The following ATP8B4 variants were observed in gnomAD, a reference collection of about 807,000 sequenced individuals.
The protein encoded by ATP8B4 is probable phospholipid-transporting ATPase IM.
A neutral mutation model predicts 145.6 loss-of-function variants in ATP8B4; 133 were observed. That is an observed-to-expected ratio of 0.91 (90% confidence interval 0.79 to 1.05). The LOEUF (loss-of-function observed/expected upper bound fraction) is 1.05, where lower values mean the gene tolerates loss of function less well. Among genes scored for constraint, ATP8B4 ranks in the 50% least tolerant of loss-of-function variants. The probability of loss-of-function intolerance (pLI) is 0.00; values close to 1 mark genes in which losing one functional copy is unlikely to be tolerated. For synonymous variants in ATP8B4, 507 were observed against 492.9 expected (o/e 1.03, Z -0.38); for missense variants, 1,458 against 1,425.2 (o/e 1.02, Z -0.37).
At chr15:49,899,582 C>T (rs947206234) in intron 21 of ATP8B4, among the ~76,000 whole-genome samples, 4 of 152,146 alleles carry the variant, frequency 2.6e-5, no homozygotes, top group Non-Finnish European at 5.9e-5. Flanking sequence ...TATTACCACT[C>T]TTTCTGAAAG....
Position 50,158,495 on chromosome 15 carries a change from T to C in ATP8B4, c.-43+23766A>G, listed in dbSNP as rs1245945099. On this transcript the variant is annotated intron_variant, in intron 1 of 3. Coordinates refer to the ATP8B4 transcript ENST00000558829. ...TCCGGGAGGGAGGTGGGGGGGCGCC[T>C]CCGCCCGGCCAGCCGCCCAGTCCGG... Among the ~76,000 whole-genome samples the C allele has an allele frequency of 3.6e-5, 5 of 139,730 alleles. No homozygotes were observed. The South Asian group carries it at 1.2e-3, about 33-fold the overall frequency. The allele number at this position is 139,730 out of a possible 152,430, so 91.7% of individuals were successfully genotyped here. A position where few individuals can be genotyped will look rare whatever the true frequency, so the allele number is the denominator to read the frequency against.
intron 1 of ATP8B4, among the ~76,000 whole-genome samples, chr15:50,163,129 T>C (rs2044545816): frequency 6.6e-6 from 1 of 152,216 alleles, no homozygotes; most frequent in Admixed American, 6.5e-5. Context: ...ACTAGTGCCT[T>C]ATTAAGTTCA....
intron 14 of ATP8B4, among the ~76,000 whole-genome samples, chr15:49,937,677 G>C (rs2041844824): frequency 6.6e-6 from 1 of 151,964 alleles, no homozygotes. Context: ...TAAGATATTT[G>C]AAACACAAAA....
At chr15:50,168,125 G>T (rs1303662781) in intron 1 of ATP8B4, among the ~76,000 whole-genome samples, 1 of 152,076 alleles carries the variant, frequency 6.6e-6, no homozygotes, top group Non-Finnish European at 1.5e-5. Context: ...ACAAGAGAAG[G>T]AAACAAAGAA....
At chr15:49,938,805 A>T (rs1354088020) in intron 14 of ATP8B4, among the ~76,000 whole-genome samples, 1 of 152,148 alleles carries the variant, frequency 6.6e-6, no homozygotes, top group Non-Finnish European at 1.5e-5. Flanking sequence ...CAGAATATAC[A>T]TACTTCTCTT....
chr15:49,860,550 T>C lies in ATP8B4; in HGVS notation c.3298-75A>G, dbSNP rs1018103913. ...CCAGGCAGTGGCCCACTTTGTAAAG[T>C]GAAAGCCTTTTTTTTTTATAAGTAA... On this transcript the variant is annotated intron_variant, in intron 27 of 27. Coordinates refer to ENST00000284509, the MANE Select transcript of ATP8B4 (RefSeq NM_024837.4). The C allele has an allele frequency of 4.1e-6, 6 of 1,451,798 alleles. No homozygotes were observed. The African/African-American group carries it at 7.1e-5, about 17-fold the overall frequency. The allele number at this position is 1,451,798 out of a possible 1,614,324, so 89.9% of individuals were successfully genotyped here.
Position 50,137,615 on chromosome 15 carries a change from T to C in ATP8B4, c.-42-30607A>G, listed in dbSNP as rs1391463527. ...GGCAACAATGCAAATTGCCAAGAAA[T>C]GCATAACAAACAACCACGGCACAAG... is the stretch of plus-strand genomic sequence containing the variant. On this transcript the variant is annotated intron_variant, in intron 1 of 3. Coordinates refer to the ATP8B4 transcript ENST00000558829. 2.6e-5 allele frequency among the ~76,000 whole-genome samples: 4 copies of C among 152,322 alleles called. No homozygotes were observed. In the East Asian group the frequency reaches 7.7e-4, roughly 29 times the overall value.
chr15:50,135,531 A>G (rs748924092), intron 1 of ATP8B4, among the ~76,000 whole-genome samples: 2 of 152,304 alleles, frequency 1.3e-5, no homozygotes, highest in South Asian at 4.1e-4. Flanking sequence ...ATGTGCACAT[A>G]TGGCCACGCC....
intron 1 of ATP8B4, among the ~76,000 whole-genome samples, chr15:50,178,424 T>G (rs898308223): frequency 1.3e-5 from 2 of 152,246 alleles, no homozygotes; most frequent in Non-Finnish European, 2.9e-5. Flanking sequence ...ATAAAAACAA[T>G]TTCTATATGG....
intron 9 of ATP8B4, among the ~76,000 whole-genome samples, chr15:49,992,804 T>C (rs879479487): frequency 2.0e-5 from 3 of 152,154 alleles, no homozygotes; most frequent in Non-Finnish European, 2.9e-5. Flanking sequence ...AATTAAAACA[T>C]GTACTTAGCA....
At chr15:50,106,376 A>G (rs1487898902) in intron 2 of ATP8B4, among the ~76,000 whole-genome samples, 1 of 152,192 alleles carries the variant, frequency 6.6e-6, no homozygotes, top group Non-Finnish European at 1.5e-5. Flanking sequence ...CAGCAAACTG[A>G]AAAGTGTTAA....
chr15:50,150,189 G>A (rs186382001), intron 1 of ATP8B4, among the ~76,000 whole-genome samples: 217 of 152,288 alleles, frequency 1.4e-3, no homozygotes, highest in African/African-American at 4.7e-3. Context: ...CAGCAGGTGA[G>A]CTTGAACAGT....
chr15:50,059,018 T>C (rs749425552), intron 3 of ATP8B4, among the ~76,000 whole-genome samples: 32 of 152,154 alleles, frequency 2.1e-4, no homozygotes, highest in Admixed American at 3.9e-4. Context: ...TAATAATTTA[T>C]GAATAAAGTG....
intron 8 of ATP8B4, among the ~76,000 whole-genome samples, chr15:49,997,014 G>C (rs2047485271): frequency 6.6e-6 from 1 of 152,148 alleles, no homozygotes; most frequent in Non-Finnish European, 1.5e-5. Flanking sequence ...TGAAAGAACA[G>C]AGGACATAAC....
intron 1 of ATP8B4, among the ~76,000 whole-genome samples, chr15:50,128,782 G>C (rs561566821): frequency 6.6e-6 from 1 of 152,200 alleles, no homozygotes; most frequent in East Asian, 1.9e-4. Flanking sequence ...TAAGTAGGCT[G>C]GGCGCAGTGG....
intron 1 of ATP8B4, among the ~76,000 whole-genome samples, chr15:50,141,290 G>GA (rs1005492959): frequency 6.6e-6 from 1 of 151,822 alleles, no homozygotes; most frequent in African/African-American, 2.4e-5. Flanking sequence ...CAAGAATAGG[G>GA]AAACCAAAAC....
chr15:50,159,324 T>C (rs2044480443), intron 1 of ATP8B4, among the ~76,000 whole-genome samples: 1 of 152,242 alleles, frequency 6.6e-6, no homozygotes, highest in Non-Finnish European at 1.5e-5. Flanking sequence ...GAAATGCTAC[T>C]GATTTTTGTG....
chr15:50,107,317 G>A (rs764677857), intron 1 of ATP8B4, among the ~76,000 whole-genome samples: 12 of 152,150 alleles, frequency 7.9e-5, no homozygotes, highest in Non-Finnish European at 1.5e-4. Flanking sequence ...CAGGGGTGAG[G>A]TTCCAGAATC....
At chr15:50,165,855 G>GA (rs1420954244) in intron 1 of ATP8B4, among the ~76,000 whole-genome samples, 1 of 152,078 alleles carries the variant, frequency 6.6e-6, no homozygotes, top group Non-Finnish European at 1.5e-5. Context: ...GAGTCAAAGA[G>GA]AGAGAAGAGA....
Sources: allele counts gnomAD v4.1 joint callset (sites outside exome capture counted in the v4.1 genomes callset), GRCh38; gene constraint gnomAD v4.1.1; transcripts MANE v1.5; gene names NCBI Gene and HGNC (gene_info 2026-07-23, HGNC 2026-07-21).